The following CNKSR2 variants were observed in gnomAD, a reference collection of about 807,000 sequenced individuals.
CNKSR2 encodes connector enhancer of kinase suppressor of Ras 2.
A neutral mutation model predicts 84.4 loss-of-function variants in CNKSR2; 14 were observed. That is an observed-to-expected ratio of 0.17 (90% CI 0.11 to 0.26). The LOEUF (loss-of-function observed/expected upper bound fraction) is 0.26, where lower values mean the gene tolerates loss of function less well. Among genes scored for constraint, CNKSR2 ranks in the 10% least tolerant of loss-of-function variants. The pLI is 1.00. For synonymous variants in CNKSR2, 275 were observed against 277.9 expected (o/e 0.99, Z 0.10); for missense variants, 485 against 771.2 (o/e 0.63, Z 4.40).
chrX:21,413,997 G>A (rs1055854192), intron 1 of CNKSR2, among the ~76,000 whole-genome samples: 4 of 110,271 alleles, frequency 3.6e-5, no homozygotes, highest in African/African-American at 6.6e-5. Flanking sequence ...ATGGAACCAC[G>A]AAAGACCCAG....
At chrX:21,642,584 A>G in intron 20 of CNKSR2, 1 of 740,503 alleles carries the variant, frequency 1.4e-6, no homozygotes, top group Non-Finnish European at 1.6e-6. Context: ...CTAATTAATG[A>G]TATTTCATAC....
At chrX:21,530,536 T>G (rs1169984116) in intron 10 of CNKSR2, among the ~76,000 whole-genome samples, 1 of 111,633 alleles carries the variant, frequency 9.0e-6, no homozygotes, top group African/African-American at 3.2e-5. Context: ...TTTATCTGTC[T>G]TGTTATAATT....
chrX:21,590,715 TG>T, intron 14 of CNKSR2, 95 bp downstream of exon 14: 1 of 953,613 alleles, frequency 1.0e-6, no homozygotes, highest in East Asian at 3.2e-5. Flanking sequence ...CTGAGCCCAG[TG>T]TGGTTTAGAA....
chrX:21,479,460 A>ATT (rs1406733651), intron 5 of CNKSR2, among the ~76,000 whole-genome samples: 1 of 110,705 alleles, frequency 9.0e-6, no homozygotes, highest in African/African-American at 3.3e-5. Context: ...AATGCTATAT[A>ATT]TTTTTTTAAA....
intron 5 of CNKSR2, among the ~76,000 whole-genome samples, chrX:21,473,535 A>C (rs974385414): frequency 9.2e-6 from 1 of 108,974 alleles, no homozygotes; most frequent in African/African-American, 3.4e-5. Context: ...ACCATTTTCT[A>C]TCTCGGTGAG....
intron 21 of CNKSR2, among the ~76,000 whole-genome samples, chrX:21,649,932 C>A (rs2092716471): frequency 8.9e-6 from 1 of 112,086 alleles, no homozygotes; most frequent in African/African-American, 3.2e-5. Flanking sequence ...ACAACAGATA[C>A]TGGAGAGGAT....
At chrX:21,466,766 G>T (rs1406264170) in intron 4 of CNKSR2, among the ~76,000 whole-genome samples, 1 of 110,975 alleles carries the variant, frequency 9.0e-6, no homozygotes, top group Non-Finnish European at 1.9e-5. Flanking sequence ...TGTATTTTTA[G>T]TAGAGACGGG....
intron 17 of CNKSR2, among the ~76,000 whole-genome samples, chrX:21,597,088 A>G (rs1371234666): frequency 1.8e-5 from 2 of 111,941 alleles, no homozygotes; most frequent in African/African-American, 6.5e-5. Flanking sequence ...AGATGGATGC[A>G]CTAGAATCCA....
At chrX:21,652,266 T>TTTATTTTAAAC in intron 21 of CNKSR2, 40 bp from the exon 22 acceptor site, 1 of 1,083,164 alleles carries the variant, frequency 9.2e-7, no homozygotes, top group Non-Finnish European at 1.3e-6. Context: ...TGAATAAAAC[T>TTTATTTTAAAC]TTGTCCCTGT....
intron 1 of CNKSR2, among the ~76,000 whole-genome samples, chrX:21,382,955 A>G (rs368736465): frequency 6.2e-5 from 7 of 112,445 alleles, no homozygotes; most frequent in Admixed American, 1.9e-4. Flanking sequence ...TGGATTTTCT[A>G]TGAATTACAT....
At chrX:21,397,761 CAAAG>C (rs749093224) in intron 1 of CNKSR2, among the ~76,000 whole-genome samples, 22 of 111,191 alleles carry the variant, frequency 2.0e-4, no homozygotes, top group East Asian at 1.1e-3. Context: ...GGTCCCAACA[CAAAG>C]AAATGATAAA....
At chrX:21,377,148 C>T (rs1386347537) in intron 1 of CNKSR2, among the ~76,000 whole-genome samples, 1 of 111,916 alleles carries the variant, frequency 8.9e-6, no homozygotes, top group Non-Finnish European at 1.9e-5. Context: ...ATCGTGTATA[C>T]ATATGACTGG....
At chrX:21,493,122 C>T (rs1366355779) in intron 6 of CNKSR2, 2 of 112,101 alleles carry the variant, frequency 1.8e-5, no homozygotes. Context: ...AGTCAAATCT[C>T]CTAGAATTTC....
intron 3 of CNKSR2, among the ~76,000 whole-genome samples, chrX:21,437,419 GTTTTT>G (rs749717203): frequency 2.3e-5 from 2 of 86,564 alleles, no homozygotes; most frequent in Admixed American, 1.3e-4. Flanking sequence ...TCTCTATGTA[GTTTTT>G]TTTTTTTTTT....
intron 11 of CNKSR2, among the ~76,000 whole-genome samples, chrX:21,537,219 A>G (rs1352344671): frequency 9.0e-6 from 1 of 111,567 alleles, no homozygotes; most frequent in African/African-American, 3.2e-5. Context: ...TTATTTCATT[A>G]TGATCTGAAA....
At position 21,598,025 on chromosome X, in the gene CNKSR2, A is replaced by G. The variant is rs183805242; in HGVS notation, c.1976+2630A>G. On this transcript the variant is annotated intron_variant, in intron 17 of 21. Coordinates refer to ENST00000379510, the MANE Select transcript of CNKSR2 (RefSeq NM_014927.5). Reference sequence around the variant, plus strand: ...ATCATACACATATATATATATATATATACACACACACACACACAACAAATA... The same window carrying G: ...ATCATACACATATATATATATATATGTACACACACACACACACAACAAATA... 5.5e-3 allele frequency among the ~76,000 whole-genome samples: 596 copies of G among 107,837 alleles called. 4 individuals carry two copies. Among genetic ancestry groups the G allele is most frequent in the African/African-American group, 0.02 (578 of 29,392 alleles). The allele number at this position is 107,837 out of a possible 115,157, so 93.6% of individuals were successfully genotyped here.
chrX:21,493,056 A>G (rs1027306640), intron 6 of CNKSR2: 1 of 112,225 alleles, frequency 8.9e-6, no homozygotes, highest in African/African-American at 3.2e-5. Context: ...GGCAAAAGGT[A>G]ACTGATTTGT....
At chrX:21,461,061 G>T (rs1229665272) in intron 4 of CNKSR2, among the ~76,000 whole-genome samples, 1 of 112,117 alleles carries the variant, frequency 8.9e-6, no homozygotes. Context: ...AAGTTGGATT[G>T]CTGGATTATG....
chrX:21,507,537 T>C (rs2091625531), intron 8 of CNKSR2, among the ~76,000 whole-genome samples: 1 of 111,320 alleles, frequency 9.0e-6, no homozygotes, highest in Admixed American at 9.6e-5. Context: ...TTAATAAAGA[T>C]TTAGGATGAT....
Sources: gnomAD v4.1 joint callset for allele counts (sites outside exome capture counted in the v4.1 genomes callset) on GRCh38, gnomAD v4.1.1 for gene constraint, MANE v1.5 for transcripts, NCBI Gene and HGNC (gene_info 2026-07-23, HGNC 2026-07-21) for gene names.